Variants in SLC44A4 observed in about 807,000 individuals in gnomAD.
SLC44A4 encodes the protein choline transporter-like protein 4.
A neutral mutation model predicts 97.0 loss-of-function variants in SLC44A4; 74 were observed. That is an observed-to-expected ratio of 0.76 (90% confidence interval 0.63 to 0.93). The LOEUF (loss-of-function observed/expected upper bound fraction) is 0.93. Ranked by LOEUF, SLC44A4 falls within the 40% of genes least tolerant of loss-of-function variation. The probability of loss-of-function intolerance (pLI) is 0.00; values close to 1 mark genes in which losing one functional copy is unlikely to be tolerated. For missense variants in SLC44A4, 799 were observed against 902.9 expected, an observed-to-expected ratio of 0.88 and a Z score of 1.48; for synonymous variants, 325 against 363.8, an observed-to-expected ratio of 0.89 and a Z score of 1.21.
intron 11 of SLC44A4, 31 bp from the exon 12 acceptor site, chr6:31,869,668 CG>C (rs770755440): frequency 3.2e-6 from 5 of 1,544,682 alleles, no homozygotes; most frequent in Non-Finnish European, 4.4e-6. Context: ...TAACCGGCAC[CG>C]CCCCAGCTGT....
chr6:31,871,957 C>A (rs1458804355), intron 7 of SLC44A4, among the ~76,000 whole-genome samples: 1 of 152,122 alleles, frequency 6.6e-6, no homozygotes, highest in East Asian at 1.9e-4. Flanking sequence ...CACTCCCTGG[C>A]CAGGCTTCCA....
chr6:31,864,381 T>C, intron 20 of SLC44A4: 2 of 563,708 alleles, frequency 3.5e-6, no homozygotes, highest in Non-Finnish European at 6.3e-6. Flanking sequence ...TGGCCTCTAA[T>C]GGCTAACTTC....
chr6:31,874,314 A>G lies in SLC44A4; in HGVS notation c.529+146T>C. 1.2e-6 allele frequency: 1 copy of G among 857,490 alleles called. No homozygotes were observed. The highest frequency in any genetic ancestry group is 1.9e-6 in the Non-Finnish European group (1 of 523,446). The allele number at this position is 857,490 out of a possible 1,614,324, so 53.1% of individuals were successfully genotyped here. A position where few individuals can be genotyped will look rare whatever the true frequency, so the allele number is the denominator to read the frequency against. ...TGGTCTGACTGCAAGGCCACATAAC[A>G]AAGAGCAAAATGAAGACCTGATGCT... On this transcript the variant is annotated intron_variant, in intron 7 of 20. Coordinates refer to ENST00000229729, the MANE Select transcript of SLC44A4 (RefSeq NM_025257.3). The surrounding 1 kb of genome is among the most constrained non-coding windows in gnomAD (Gnocchi z 4.8).
chr6:31,869,602 G>A lies in SLC44A4; in HGVS notation c.1073C>T (p.Pro358Leu), dbSNP rs1430853717. 1.2e-6 allele frequency: 2 copies of A among 1,606,830 alleles called. No individual in the cohort carries two copies. Among genetic ancestry groups the A allele is most frequent in the East Asian group, 2.2e-5 (1 of 44,744 alleles). Residue 358 changes from proline (P) to leucine (L), a missense_variant, in exon 12 of 21, where the codon CCA (proline) becomes CTA (leucine). Physicochemically the swap from Pro to Leu is moderately conservative, Grantham distance 98 (BLOSUM62 -3). This residue lies in a region of SLC44A4 where 11 missense variants were observed against 30.5 expected (regional missense o/e 0.36). Transcript: ENST00000229729. ...VGQMMSTMFY[P>L]LVTFVLLLIC... ...GAGGAGGAGGACAAAGGTGACCAGT[G>A]GGTAGAACATGGTAGACATCATCTG...
intron 13 of SLC44A4, 34 bp from the exon 14 acceptor site, chr6:31,866,160 G>A: frequency 6.2e-7 from 1 of 1,607,120 alleles, no homozygotes; most frequent in Non-Finnish European, 8.5e-7. Context: ...GTAGGCTCAG[G>A]CATCGGGGGC....
chr6:31,870,161 G>C (rs1189906578), intron 11 of SLC44A4, among the ~76,000 whole-genome samples: 1 of 152,144 alleles, frequency 6.6e-6, no homozygotes, highest in Non-Finnish European at 1.5e-5. Flanking sequence ...AATAAATCAG[G>C]CTCACAGGAC....
intron 7 of SLC44A4, among the ~76,000 whole-genome samples, chr6:31,873,966 C>T (rs934120917): frequency 4.0e-5 from 6 of 151,622 alleles, no homozygotes; most frequent in Non-Finnish European, 5.9e-5. Context: ...AAAAATTAGC[C>T]GGGCGTGGTG....
chr6:31,871,336 G>T lies in SLC44A4; in HGVS notation c.679C>A (p.Gln227Lys), dbSNP rs1190826262. Residue 227 changes from glutamine to lysine, a missense_variant, in exon 9 of 21, where the codon CAG (glutamine) becomes AAG (lysine). This residue lies in a region of SLC44A4 where 409 missense variants were observed against 434.1 expected (regional missense o/e 0.94). Transcript: ENST00000229729. Reference sequence around the variant, plus strand: ...CACACAAGAATCCAATACCAGGACTGGGCAAAATCTTCAAAGATCTTAACA... The same window carrying T: ...CACACAAGAATCCAATACCAGGACTTGGCAAAATCTTCAAAGATCTTAACA... ...ISVKIFEDFAQSWYWILVALG... is the reference protein window; with the variant it reads ...ISVKIFEDFAKSWYWILVALG... 3 of 1,614,118 alleles carry T rather than the reference G, an allele frequency of 1.9e-6. No homozygotes were observed. The South Asian group carries it at 3.3e-5, about 18-fold the overall frequency.
At position 31,874,830 on chromosome 6, in the gene SLC44A4, CAGG is replaced by C; in HGVS notation, c.356_358del (p.Ser119del). On this transcript the variant is annotated inframe_deletion, in exon 6 of 21. Coordinates refer to ENST00000229729, the MANE Select transcript of SLC44A4 (RefSeq NM_025257.3). The surrounding 1 kb of genome is among the most constrained non-coding windows in gnomAD (Gnocchi z 4.8). ...TCCCACAGTCCATGGGTCCTCCGGG[CAGG>C]AGGACACACACACCTGGGTGCAGAG... is the stretch of plus-strand genomic sequence containing the variant. 6.2e-7 allele frequency: 1 copy of C among 1,612,562 alleles called. No individual in the cohort carries two copies. The highest frequency in any genetic ancestry group is 8.5e-7 in the Non-Finnish European group (1 of 1,179,328).
intron 11 of SLC44A4, 139 bp from the exon 12 acceptor site, chr6:31,869,776 G>A (rs1313554388): frequency 1.4e-5 from 9 of 651,616 alleles, no homozygotes; most frequent in Non-Finnish European, 2.2e-5. Context: ...ACGAGGTCAG[G>A]AGATCGAGAC....
rs950522888 is a variant in SLC44A4 at position 31,877,376 on chromosome 6, C to T, written c.41-294G>A. On this transcript the variant is annotated intron_variant, in intron 1 of 20. Coordinates refer to ENST00000229729, the MANE Select transcript of SLC44A4 (RefSeq NM_025257.3). The surrounding 1 kb of genome is among the most constrained non-coding windows in gnomAD (Gnocchi z 6.5). Reference sequence around the variant, plus strand: ...AGTCAGTCTGGGAAATGGCCTTGGTCCCCTGCCCTACCCTGGCACGGTTCT... The same window carrying T: ...AGTCAGTCTGGGAAATGGCCTTGGTTCCCTGCCCTACCCTGGCACGGTTCT... Among the ~76,000 whole-genome samples the T allele has an allele frequency of 6.6e-6, 1 of 152,084 alleles. No homozygotes were observed. The highest frequency in any genetic ancestry group is 1.5e-5 in the Non-Finnish European group (1 of 67,996).
chr6:31,875,819 C>T (rs780573335), intron 4 of SLC44A4, 33 bp downstream of exon 4: 7 of 1,575,464 alleles, frequency 4.4e-6, no homozygotes, highest in African/African-American at 4.0e-5. Flanking sequence ...CCTCGCCTCG[C>T]TCCTGCACTC....
At position 31,874,482 on chromosome 6, in the gene SLC44A4, A is replaced by G; in HGVS notation, c.507T>C (p.Ser169=). 1 of 1,613,052 alleles carries G rather than the reference A, an allele frequency of 6.2e-7. No homozygotes were observed. Among genetic ancestry groups the G allele is most frequent in the South Asian group, 1.1e-5 (1 of 91,082 alleles). The part of the protein sequence containing the change: ...ITSLQQELCP[S]FLLPSAPALG... ...CACCTGGAGCAGAGGGGAGGAGGAA[A>G]CTGGGGCAGAGTTCCTGTTGCAGGC... The change falls in exon 7 of 21, where the codon AGT becomes AGC. Residue 169 remains serine (S), a synonymous_variant. Coordinates refer to ENST00000229729, the MANE Select transcript of SLC44A4 (RefSeq NM_025257.3). The surrounding 1 kb of genome is among the most constrained non-coding windows in gnomAD (Gnocchi z 4.8).
rs973671677 is a variant in SLC44A4, at chr6:31,876,885, C to A, written c.89+149G>T. 6.3e-6 allele frequency: 5 copies of A among 789,840 alleles called. No individual in the cohort carries two copies. The highest frequency in any genetic ancestry group is 1.9e-5 in the South Asian group (1 of 53,134). 48.9% of individuals were successfully genotyped at this position (789,840 alleles called of 1,614,324 possible). A position where few individuals can be genotyped will look rare whatever the true frequency, so the allele number is the denominator to read the frequency against. On this transcript the variant is annotated intron_variant, in intron 2 of 20. Transcript: ENST00000229729. The surrounding 1 kb of genome is among the most constrained non-coding windows in gnomAD (Gnocchi z 4.8). ...CCCTCGATGCCTGCTCCAGACACAA[C>A]AATCCCCCCAGGGCACCACCCATCT...
Position 31,863,531 on chromosome 6 carries a change from C to A in SLC44A4, c.*96G>T. The A allele has an allele frequency of 6.7e-7, 1 of 1,494,498 alleles. No homozygotes were observed. The highest frequency in any genetic ancestry group is 2.5e-5 in the East Asian group (1 of 40,386). 92.6% of individuals were successfully genotyped at this position (1,494,498 alleles called of 1,614,324 possible). The stretch of plus-strand genomic sequence containing the variant: ...TGAGCCACGGCGCCTGGCCTAAAAC[C>A]TTTTTTTACCACAAAATGGAGACCT... On this transcript the variant is annotated 3_prime_UTR_variant, in exon 21 of 21. Transcript: ENST00000229729.
Position 31,863,581 on chromosome 6 carries a change from C to A in SLC44A4, c.*46G>T, listed in dbSNP as rs367785157. On this transcript the variant is annotated 3_prime_UTR_variant, in exon 21 of 21. Coordinates refer to ENST00000229729, the MANE Select transcript of SLC44A4 (RefSeq NM_025257.3). ...TGTAAGGCGAAGTGAGGTTGGATGG[C>A]TGGACGGTGGGGGTGGGGTGCAGTC... 341 of 1,568,024 alleles carry A rather than the reference C, an allele frequency of 2.2e-4. 1 individual carries two copies. In the African/African-American group the frequency reaches 4.4e-3, roughly 20 times the overall value.
chr6:31,871,253 G>T (rs1399389738), intron 9 of SLC44A4, 61 bp downstream of exon 9: 1 of 1,507,518 alleles, frequency 6.6e-7, no homozygotes, highest in African/African-American at 1.4e-5. Context: ...TTGGGCGAGG[G>T]GGTAGAGGAT....
intron 20 of SLC44A4, 152 bp from the exon 21 acceptor site, chr6:31,863,900 G>T: frequency 2.0e-6 from 2 of 1,022,652 alleles, no homozygotes; most frequent in South Asian, 1.5e-5. Context: ...CTGTGAAGTG[G>T]GGTCGGGAAT....
In SLC44A4 at chr6:31,865,595, T is replaced by C. The variant is rs1762813305; in HGVS notation, c.1589A>G (p.Gln530Arg). ...CATGATGCAGCGGGCTACAGGGTTC[T>C]GCACTCCTGGGAGCGAGGAAGGCTC... ...EYIDHKLRGVQNPVARCIMCC... is the reference protein window; with the variant it reads ...EYIDHKLRGVRNPVARCIMCC... Residue 530 changes from glutamine (Q) to arginine (R), a missense_variant, in exon 16 of 21, where the codon CAG (glutamine) becomes CGG (arginine). Coordinates refer to ENST00000229729, the MANE Select transcript of SLC44A4 (RefSeq NM_025257.3). This position sits in a 1 kb window ranked among gnomAD's most constrained non-coding sequence, Gnocchi z 5.2. 6.2e-7 allele frequency: 1 copy of C among 1,604,944 alleles called. No individual in the cohort carries two copies. The highest frequency in any genetic ancestry group is 8.5e-7 in the Non-Finnish European group (1 of 1,173,296).
Sources: allele counts gnomAD v4.1 joint callset (sites outside exome capture counted in the v4.1 genomes callset), GRCh38; gene constraint gnomAD v4.1.1; regional missense constraint gnomAD v4.1.1; non-coding constraint Gnocchi (gnomAD v3.1); transcripts MANE v1.5; gene names NCBI Gene and HGNC (gene_info 2026-07-23, HGNC 2026-07-21).